PAK1: variants seen among roughly 807,000 people sequenced by gnomAD.
PAK1 encodes the protein p21 (RAC1) activated kinase 1.
A neutral mutation model predicts 67.4 loss-of-function variants in PAK1; 29 were observed. The ratio of observed to expected loss-of-function variants is 0.43; its 90% CI spans 0.32 to 0.59. The LOEUF is 0.59. Ranked by LOEUF, PAK1 falls within the 20% of genes least tolerant of loss-of-function variation. PAK1 has a pLI of 0.07. For synonymous variants in PAK1, 223 were observed against 237.4 expected (o/e 0.94, Z 0.56); for missense variants, 337 against 670.7 (o/e 0.50, Z 5.50).
intron 1 of PAK1, among the ~76,000 whole-genome samples, chr11:77,439,051 C>G (rs1046796251): frequency 6.6e-6 from 1 of 152,290 alleles, no homozygotes; most frequent in African/African-American, 2.4e-5. Flanking sequence ...AAGCCTGTTT[C>G]CTCATGTGAG....
intron 1 of PAK1, among the ~76,000 whole-genome samples, chr11:77,399,192 T>A (rs1050250514): frequency 2.0e-5 from 3 of 152,128 alleles, no homozygotes; most frequent in African/African-American, 7.2e-5. Context: ...GATAGACAGA[T>A]CATGAATAAA....
chr11:77,339,699 C>A (rs1943277942), intron 11 of PAK1, among the ~76,000 whole-genome samples: 2 of 152,066 alleles, frequency 1.3e-5, no homozygotes, highest in Non-Finnish European at 1.5e-5. Context: ...AGCTCTTGCA[C>A]CATCAAACCC....
At chr11:77,379,728 G>A (rs191222101) in intron 3 of PAK1, among the ~76,000 whole-genome samples, 166 bp downstream of exon 3, 1 of 152,124 alleles carries the variant, frequency 6.6e-6, no homozygotes, top group Non-Finnish European at 1.5e-5. Flanking sequence ...AGGCTTCTCT[G>A]GATACAATTT....
At chr11:77,334,919 A>G (rs1047396418) in intron 13 of PAK1, among the ~76,000 whole-genome samples, 1 of 152,142 alleles carries the variant, frequency 6.6e-6, no homozygotes, top group Non-Finnish European at 1.5e-5. Context: ...CTCTCTACTG[A>G]TAACTGATTA....
chr11:77,373,379 TTGTC>T (rs1353091511), intron 5 of PAK1, among the ~76,000 whole-genome samples: 2 of 151,838 alleles, frequency 1.3e-5, no homozygotes, highest in Non-Finnish European at 2.9e-5. Flanking sequence ...TTTTAAAAAA[TTGTC>T]TGTCTGACAA....
the PAK1 span, among the ~76,000 whole-genome samples, chr11:77,482,715 T>G: frequency 6.6e-6 from 1 of 151,654 alleles, no homozygotes; most frequent in Non-Finnish European, 1.5e-5. Flanking sequence ...CACCTCAGCC[T>G]TCAGCCTGCT....
chr11:77,521,969 G>A, the PAK1 span, among the ~76,000 whole-genome samples: 67 of 152,272 alleles, frequency 4.4e-4, 1 homozygote, highest in Admixed American at 1.7e-3. Flanking sequence ...ATCTAATGAC[G>A]ATGAGATTTG....
At chr11:77,367,479 T>G (rs928967792) in intron 5 of PAK1, among the ~76,000 whole-genome samples, 9 of 152,148 alleles carry the variant, frequency 5.9e-5, no homozygotes, top group African/African-American at 2.2e-4. Context: ...TCCTTAGAGA[T>G]AAGAAAATAT....
chr11:77,383,801 C>T (rs189722225), intron 2 of PAK1, among the ~76,000 whole-genome samples: 75 of 152,314 alleles, frequency 4.9e-4, no homozygotes, highest in Admixed American at 1.8e-3. Context: ...CTGTGTACAG[C>T]CCTTCACCAA....
the PAK1 span, among the ~76,000 whole-genome samples, chr11:77,486,229 T>C: frequency 6.6e-6 from 1 of 151,982 alleles, no homozygotes; most frequent in Non-Finnish European, 1.5e-5. Flanking sequence ...AGGCCGGCCA[T>C]GTGGCTCATG....
At chr11:77,436,109 C>G (rs1336698807) in intron 1 of PAK1, among the ~76,000 whole-genome samples, 1 of 152,140 alleles carries the variant, frequency 6.6e-6, no homozygotes. Flanking sequence ...CCATGACCGC[C>G]ACATCACCAC....
rs138404683 is a variant in PAK1, at chr11:77,374,344, T to C, written c.461A>G (p.Asn154Ser). Residue 154 changes from asparagine to serine, a missense_variant, in exon 5 of 15, where the codon AAT becomes AGT. Transcript: ENST00000356341. The part of the protein sequence containing the change: ...SFTDKSAEDY[N>S]SSNALNVKAV... Reference sequence around the variant, plus strand: ...AAGACTTACCAAGGCATTAGAAGAATTGTAATCCTCAGCTGACTTATCTGC... The same window carrying C: ...AAGACTTACCAAGGCATTAGAAGAACTGTAATCCTCAGCTGACTTATCTGC... 2.8e-5 allele frequency: 44 copies of C among 1,594,370 alleles called. No homozygotes were observed. The African/African-American group carries it at 3.9e-4, about 14-fold the overall frequency.
At position 77,437,988 on chromosome 11, in the gene PAK1, A is replaced by C. The variant is rs193260844; in HGVS notation, c.-22+35564T>G. Among the ~76,000 whole-genome samples the C allele has an allele frequency of 2.0e-5, 3 of 152,194 alleles. No individual in the cohort carries two copies. The East Asian group carries it at 5.8e-4, about 29-fold the overall frequency. ...CTCAACAATATGTCTCAGGTACCTC[A>C]CAAGCATTTCCTTTCCTTCTCCCTC... On this transcript the variant is annotated intron_variant, in intron 1 of 14. Transcript: ENST00000356341.
At position 77,332,817 on chromosome 11, in the gene PAK1, C is replaced by T; in HGVS notation, c.1464G>A (p.Glu488=). 2 of 1,613,522 alleles carry T rather than the reference C, an allele frequency of 1.2e-6. No homozygotes were observed. The highest frequency in any genetic ancestry group is 8.5e-7 in the Non-Finnish European group (1 of 1,179,470). Reference sequence around the variant, plus strand: ...AGTCCCGGAAGATAGCTGACAGCTTCTCTGGGTTCTGAAGTTCTGGGGTCC... The same window carrying T: ...AGTCCCGGAAGATAGCTGACAGCTTTTCTGGGTTCTGAAGTTCTGGGGTCC... The part of the protein sequence containing the change: ...TNGTPELQNP[E]KLSAIFRDFL... Residue 488 remains glutamate, a synonymous_variant, in exon 14 of 15, where the codon GAG becomes GAA. Transcript: ENST00000356341.
At chr11:77,339,879 G>T (rs1290078594) in intron 11 of PAK1, among the ~76,000 whole-genome samples, 1 of 151,552 alleles carries the variant, frequency 6.6e-6, no homozygotes, top group African/African-American at 2.4e-5. Flanking sequence ...GCATTATTGG[G>T]CCATCAGAAA....
intron 1 of PAK1, among the ~76,000 whole-genome samples, chr11:77,471,712 A>C (rs1957863945): frequency 6.6e-6 from 1 of 152,174 alleles, no homozygotes; most frequent in Admixed American, 6.5e-5. Flanking sequence ...CAGAATATGA[A>C]GAGTCAGGGG....
chr11:77,499,642 T>C, the PAK1 span, among the ~76,000 whole-genome samples: 2 of 152,320 alleles, frequency 1.3e-5, no homozygotes, highest in African/African-American at 4.8e-5. Context: ...AGTATTCCAG[T>C]GATACTTTCG....
At chr11:77,352,528 T>G (rs915511101) in intron 8 of PAK1, among the ~76,000 whole-genome samples, 2 of 152,152 alleles carry the variant, frequency 1.3e-5, no homozygotes, top group Non-Finnish European at 2.9e-5. Flanking sequence ...TTTTAATAAA[T>G]GTACAGTCTA....
At chr11:77,335,823 C>T (rs1041195394) in intron 13 of PAK1, among the ~76,000 whole-genome samples, 5 of 152,208 alleles carry the variant, frequency 3.3e-5, no homozygotes, top group African/African-American at 1.2e-4. Flanking sequence ...CATTTACCAT[C>T]TGTTACTACA....
Sources: allele counts gnomAD v4.1 joint callset (sites outside exome capture counted in the v4.1 genomes callset), GRCh38; gene constraint gnomAD v4.1.1; transcripts MANE v1.5; gene names NCBI Gene and HGNC (gene_info 2026-07-23, HGNC 2026-07-21).